SETD2: variants seen among roughly 807,000 people sequenced by gnomAD.
SETD2 encodes SET domain containing 2, histone lysine methyltransferase.
SETD2 carries 31 observed loss-of-function variants against 242.1 expected under a neutral mutation model. The ratio of observed to expected loss-of-function variants is 0.13; its 90% CI spans 0.10 to 0.17. The LOEUF is 0.17. Among genes scored for constraint, SETD2 ranks in the 10% least tolerant of loss-of-function variants. The pLI, the probability that SETD2 is intolerant of heterozygous loss-of-function variation, is 1.00. For synonymous variants in SETD2, 1,006 were observed against 1,066.5 expected, an observed-to-expected ratio of 0.94 and a Z score of 1.11; for missense variants, 2,481 against 3,046.3, an observed-to-expected ratio of 0.81 and a Z score of 4.37.
chr3:47,019,728 G>A, intron 19 of SETD2, 32 bp downstream of exon 19: 1 of 1,551,576 alleles, frequency 6.4e-7, no homozygotes. Context: ...TTAAGCCTGA[G>A]GAGCTTAGTG....
At position 47,122,676 on chromosome 3, in the gene SETD2, A is replaced by G. The variant is rs778937897; in HGVS notation, c.1960T>C (p.Ser654Pro). The G allele has an allele frequency of 6.2e-7, 1 of 1,613,302 alleles. No individual in the cohort carries two copies. Among genetic ancestry groups the G allele is most frequent in the South Asian group, 1.1e-5 (1 of 91,062 alleles). The change falls in exon 3 of 21, where the codon TCT becomes CCT. Residue 654 changes from serine (S) to proline (P), a missense_variant. Ser to Pro is a moderately conservative substitution (Grantham distance 74). Transcript: ENST00000409792. Reference protein sequence around the residue: ...DSHDSIKELDSLSKVKNDQLR... With the variant: ...DSHDSIKELDPLSKVKNDQLR... ...TGATCATTCTTCACTTTAGATAAAG[A>G]GTCTAATTCCTTAATACTATCATGG...
intron 1 of SETD2, among the ~76,000 whole-genome samples, chr3:47,155,873 C>T (rs1282513132): frequency 1.3e-5 from 2 of 151,934 alleles, no homozygotes; most frequent in African/African-American, 4.8e-5. Flanking sequence ...ACATTCTAAC[C>T]TGATTTCAGT....
In SETD2 at chr3:47,067,101, T is replaced by C; in HGVS notation, c.6078A>G (p.Pro2026=). ...WKDLKEVYRI[P]KKSQTEKENT... is the part of the protein sequence containing the mutation. ...TTTCCTTTTCAGTTTGACTTTTCTT[T>C]GGAATTCGATATACCTCCTGCAAAA... The change falls in exon 13 of 21, where the codon CCA becomes CCG. Residue 2026 remains proline, a synonymous_variant. Coordinates refer to ENST00000409792, the MANE Select transcript of SETD2 (RefSeq NM_014159.7). 1 of 1,612,050 alleles carries C rather than the reference T, an allele frequency of 6.2e-7. No homozygotes were observed. The highest frequency in any genetic ancestry group is 2.2e-5 in the East Asian group (1 of 44,796).
chr3:47,117,031 GTTCT>G (rs1238432619), intron 3 of SETD2, among the ~76,000 whole-genome samples: 8 of 151,766 alleles, frequency 5.3e-5, no homozygotes, highest in African/African-American at 1.5e-4. Context: ...TTGTTTGTTT[GTTCT>G]TTAATATTCT....
intron 1 of SETD2, among the ~76,000 whole-genome samples, chr3:47,162,848 G>A (rs1361703701): frequency 5.9e-5 from 9 of 152,200 alleles, no homozygotes. Context: ...GGAAAGAAGT[G>A]ACTCCAGGCT....
chr3:47,051,450 A>G (rs2039841028), intron 15 of SETD2, among the ~76,000 whole-genome samples: 1 of 152,088 alleles, frequency 6.6e-6, no homozygotes, highest in South Asian at 2.1e-4. Context: ...TTTTACCCAG[A>G]GCAGCCAGTG....
intron 12 of SETD2, among the ~76,000 whole-genome samples, chr3:47,069,746 C>T (rs1405927512): frequency 6.6e-6 from 1 of 152,156 alleles, no homozygotes; most frequent in Admixed American, 6.6e-5. Context: ...TTGTCAATTT[C>T]TAGCTGTGGG....
At chr3:47,112,996 A>C (rs550291936) in intron 5 of SETD2, among the ~76,000 whole-genome samples, 81 of 152,360 alleles carry the variant, frequency 5.3e-4, no homozygotes, top group Non-Finnish European at 1.0e-3. Flanking sequence ...TTAAAAACTT[A>C]CATCAGTTAC....
chr3:47,032,951 T>C (rs751371077), intron 18 of SETD2, among the ~76,000 whole-genome samples: 10 of 152,104 alleles, frequency 6.6e-5, no homozygotes, highest in Non-Finnish European at 1.2e-4. Flanking sequence ...ACTGAATTGC[T>C]TTCCACAAGT....
intron 19 of SETD2, among the ~76,000 whole-genome samples, chr3:47,018,731 C>T (rs555730288): frequency 3.9e-5 from 6 of 152,286 alleles, no homozygotes; most frequent in Admixed American, 1.3e-4. Flanking sequence ...CAATGGTTCC[C>T]GATAACCCAC....
At position 47,105,940 on chromosome 3, in the gene SETD2, A is replaced by G. The variant is rs763636509; in HGVS notation, c.4839+57T>C. The G allele has an allele frequency of 2.7e-6, 4 of 1,497,960 alleles. No homozygotes were observed. In the South Asian group the frequency reaches 3.5e-5, roughly 13 times the overall value. 92.8% of individuals were successfully genotyped at this position (1,497,960 alleles called of 1,614,324 possible). The stretch of plus-strand genomic sequence containing the variant: ...AAAAAAAAAAATCAAATCAGTATCA[A>G]TGGCTCCTTCAAACCTAACAGATCT... On this transcript the variant is annotated intron_variant, in intron 6 of 20. Transcript: ENST00000409792.
At chr3:47,075,135 T>TAA (rs199630834) in intron 12 of SETD2, among the ~76,000 whole-genome samples, 7 of 126,158 alleles carry the variant, frequency 5.5e-5, no homozygotes, top group Non-Finnish European at 3.4e-5. Flanking sequence ...CTCCGTCTCT[T>TAA]AAAAAAAAAA....
At position 47,084,007 on chromosome 3, in the gene SETD2, A is replaced by C. The variant is rs1405812024; in HGVS notation, c.5773T>G (p.Ser1925Ala). 6.2e-7 allele frequency: 1 copy of C among 1,613,958 alleles called. No individual in the cohort carries two copies. The highest frequency in any genetic ancestry group is 1.3e-5 in the African/African-American group (1 of 74,888). The stretch of plus-strand genomic sequence containing the variant: ...AGCTGTTGTGGGAGTAGCTGTTGTG[A>C]CTGCAATTCTTCCTCTTCCTCTACA... ...VPVEEEEELQ[S>A]QQLLPQQLPE... is the part of the protein sequence containing the mutation. Residue 1925 changes from serine to alanine, a missense_variant, in exon 12 of 21, where the codon TCA becomes GCA. Transcript: ENST00000409792.
In SETD2 at chr3:47,120,182, C is replaced by A. The variant is rs2107738793; in HGVS notation, c.4454G>T (p.Arg1485Ile). The A allele has an allele frequency of 6.6e-7, 1 of 1,523,154 alleles. No individual in the cohort carries two copies. The highest frequency in any genetic ancestry group is 1.4e-5 in the African/African-American group (1 of 71,826). The allele number at this position is 1,523,154 out of a possible 1,614,324, so 94.4% of individuals were successfully genotyped here. The part of the protein sequence containing the change: ...LIEENVYLTE[R>I]KKNKSHRDIK... The stretch of plus-strand genomic sequence containing the variant: ...TCAAACAAGTATTAATTAGACTTAC[C>A]TTTCTGTTAAATAAACATTTTCTTC... The change falls in exon 3 of 21, where the codon AGA (arginine) becomes ATA (isoleucine). Residue 1485 changes from arginine (R) to isoleucine (I), a missense_variant and splice_region_variant. Physicochemically the swap from Arg to Ile is moderately conservative, Grantham distance 97. Transcript: ENST00000409792.
At chr3:47,107,866 C>T (rs1391140732) in intron 5 of SETD2, among the ~76,000 whole-genome samples, 1 of 152,008 alleles carries the variant, frequency 6.6e-6, no homozygotes, top group Non-Finnish European at 1.5e-5. Context: ...TAGTCCACTA[C>T]ACCAGTTGAA....
At position 47,088,958 on chromosome 3, in the gene SETD2, C is replaced by T. The variant is rs112779798; in HGVS notation, c.5143-711G>A. Among the ~76,000 whole-genome samples, 378 of 152,182 alleles carry T rather than the reference C, an allele frequency of 2.5e-3. 1 individual carries two copies. Among genetic ancestry groups the T allele is most frequent in the African/African-American group, 8.2e-3 (340 of 41,498 alleles). Reference sequence around the variant, plus strand: ...ATATCTGTACAAGTTGGATAAACGGCCATGTTCACTCAATGAAATATAATA... The same window carrying T: ...ATATCTGTACAAGTTGGATAAACGGTCATGTTCACTCAATGAAATATAATA... On this transcript the variant is annotated intron_variant, in intron 9 of 20. Transcript: ENST00000409792.
At chr3:47,069,015 G>A (rs752020726) in intron 12 of SETD2, among the ~76,000 whole-genome samples, 11 of 151,772 alleles carry the variant, frequency 7.2e-5, no homozygotes, top group South Asian at 2.1e-4. Context: ...GACTGGTCTC[G>A]AACTCCTGAC....
intron 18 of SETD2, chr3:47,029,065 A>T (rs2038638735): frequency 1.3e-5 from 2 of 156,346 alleles, no homozygotes; most frequent in South Asian, 1.5e-4. Flanking sequence ...CAAACTTTTA[A>T]TTTTTTTTTT....
intron 7 of SETD2, among the ~76,000 whole-genome samples, chr3:47,102,582 G>A (rs543479249): frequency 6.6e-6 from 1 of 152,252 alleles, no homozygotes; most frequent in East Asian, 1.9e-4. Flanking sequence ...CTTGAGGCCA[G>A]GAGTTCGAGA....
Sources: allele counts gnomAD v4.1 joint callset (sites outside exome capture counted in the v4.1 genomes callset), GRCh38; gene constraint gnomAD v4.1.1; transcripts MANE v1.5; gene names NCBI Gene and HGNC (gene_info 2026-07-23, HGNC 2026-07-21).